ASIC2: variants seen among roughly 807,000 people sequenced by gnomAD.
ASIC2 encodes the protein acid sensing ion channel subunit 2, also known as acid-sensing ion channel 2.
A neutral mutation model predicts 57.3 loss-of-function variants in ASIC2; 25 were observed. That is an observed-to-expected ratio of 0.44 (90% CI 0.32 to 0.61). The LOEUF (loss-of-function observed/expected upper bound fraction) is 0.61, where lower values mean the gene tolerates loss of function less well. Among genes scored for constraint, ASIC2 ranks in the 20% least tolerant of loss-of-function variants. ASIC2 has a pLI of 0.06. For synonymous variants in ASIC2, 319 were observed against 307.5 expected (o/e 1.04, Z -0.39); for missense variants, 641 against 738.1 (o/e 0.87, Z 1.52).
chr17:33,299,363 G>A lies in ASIC2; in HGVS notation c.556-187296C>T, dbSNP rs150103288. Among the ~76,000 whole-genome samples the A allele has an allele frequency of 1.0e-3, 158 of 152,262 alleles. 1 individual carries two copies. Among genetic ancestry groups the A allele is most frequent in the African/African-American group, 3.6e-3 (150 of 41,544 alleles). On this transcript the variant is annotated intron_variant, in intron 1 of 9. Transcript: ENST00000359872. Reference sequence around the variant, plus strand: ...TAAGCAAATGTCCAGGAGTCATGATGGGGACACCTGTACTGGTGGAAGGAG... The same window carrying A: ...TAAGCAAATGTCCAGGAGTCATGATAGGGACACCTGTACTGGTGGAAGGAG...
chr17:34,140,675 T>C (rs1387471835), intron 1 of ASIC2, among the ~76,000 whole-genome samples: 1 of 152,078 alleles, frequency 6.6e-6, no homozygotes, highest in Non-Finnish European at 1.5e-5. Context: ...TGTGGGAAAA[T>C]TTGAGTTTCA....
At chr17:33,077,647 T>C (rs1356112281) in intron 3 of ASIC2, among the ~76,000 whole-genome samples, 2 of 152,198 alleles carry the variant, frequency 1.3e-5, no homozygotes, top group African/African-American at 2.4e-5. Flanking sequence ...TATGATTTAC[T>C]AGCCCACAGA....
At chr17:33,352,681 C>T (rs1422538894) in intron 1 of ASIC2, among the ~76,000 whole-genome samples, 12 of 152,236 alleles carry the variant, frequency 7.9e-5, no homozygotes, top group Non-Finnish European at 1.5e-5. Flanking sequence ...CTGACTCCTG[C>T]TGCCTTCCTT....
intron 6 of ASIC2, among the ~76,000 whole-genome samples, chr17:33,023,489 C>CA (rs34453291): frequency 8.2e-4 from 102 of 124,446 alleles, no homozygotes; most frequent in South Asian, 2.0e-3. Context: ...GGCTCCATCT[C>CA]AAAAAAAAAA....
At chr17:33,174,079 A>G (rs973113240) in intron 1 of ASIC2, among the ~76,000 whole-genome samples, 1 of 152,214 alleles carries the variant, frequency 6.6e-6, no homozygotes, top group African/African-American at 2.4e-5. Flanking sequence ...GAATAGAGGC[A>G]GACTTCCCTG....
intron 3 of ASIC2, among the ~76,000 whole-genome samples, chr17:33,053,279 T>A (rs2091984552): frequency 6.6e-6 from 1 of 152,248 alleles, no homozygotes; most frequent in South Asian, 2.1e-4. Context: ...TTCTATTAAC[T>A]ACATAGCACA....
intron 1 of ASIC2, among the ~76,000 whole-genome samples, chr17:33,941,126 C>CT (rs1916183093): frequency 6.6e-6 from 1 of 152,156 alleles, no homozygotes; most frequent in Non-Finnish European, 1.5e-5. Context: ...AGTTAGGAGT[C>CT]TAAGTGCAGG....
chr17:33,512,455 C>T (rs993239427), intron 1 of ASIC2, among the ~76,000 whole-genome samples: 1 of 152,186 alleles, frequency 6.6e-6, no homozygotes, highest in Non-Finnish European at 1.5e-5. Context: ...GAGGAGAACA[C>T]TTCTTTCCAC....
chr17:33,877,021 A>G (rs1264051576), intron 1 of ASIC2, among the ~76,000 whole-genome samples: 1 of 152,248 alleles, frequency 6.6e-6, no homozygotes, highest in Non-Finnish European at 1.5e-5. Context: ...GTGTCTAAAC[A>G]ATTACAATAG....
chr17:33,098,711 T>G (rs187118386), intron 2 of ASIC2, among the ~76,000 whole-genome samples: 1 of 152,204 alleles, frequency 6.6e-6, no homozygotes, highest in Admixed American at 6.5e-5. Flanking sequence ...AAACATGTTA[T>G]ACTTTGTTGA....
Position 33,656,020 on chromosome 17 carries a change from T to C in ASIC2, c.555+499958A>G, listed in dbSNP as rs1008664625. Among the ~76,000 whole-genome samples the C allele has an allele frequency of 7.9e-5, 12 of 152,138 alleles. No individual in the cohort carries two copies. The South Asian group carries it at 1.9e-3, about 24-fold the overall frequency. On this transcript the variant is annotated intron_variant, in intron 1 of 9. Coordinates refer to the ASIC2 transcript ENST00000359872. The stretch of plus-strand genomic sequence containing the variant: ...TGCTTTTAGAGGCAGCATGGCATAG[T>C]GGAAGTAGAAAGGGCCCTTAGGATA...
At chr17:33,509,580 G>A (rs1056313679) in intron 1 of ASIC2, among the ~76,000 whole-genome samples, 1 of 152,172 alleles carries the variant, frequency 6.6e-6, no homozygotes, top group Admixed American at 6.5e-5. Flanking sequence ...TGGCTGGCGG[G>A]GCTGCGTGCC....
intron 1 of ASIC2, among the ~76,000 whole-genome samples, chr17:33,431,032 G>C (rs568570138): frequency 5.5e-4 from 83 of 152,210 alleles, no homozygotes; most frequent in African/African-American, 1.8e-3. Context: ...TGCAGAGGGG[G>C]GCAGCAAGGT....
At chr17:33,591,462 T>A (rs1045983741) in intron 1 of ASIC2, among the ~76,000 whole-genome samples, 1 of 152,142 alleles carries the variant, frequency 6.6e-6, no homozygotes, top group Admixed American at 6.5e-5. Flanking sequence ...TGACCTTTTC[T>A]CAGTGCAAAG....
intron 1 of ASIC2, among the ~76,000 whole-genome samples, chr17:33,480,483 G>T (rs941532815): frequency 6.6e-6 from 1 of 152,118 alleles, no homozygotes; most frequent in Non-Finnish European, 1.5e-5. Flanking sequence ...CTTCATAAAC[G>T]AGGAATTGGA....
chr17:34,123,900 T>C (rs1230267220), intron 1 of ASIC2, among the ~76,000 whole-genome samples: 2 of 152,050 alleles, frequency 1.3e-5, no homozygotes, highest in Non-Finnish European at 2.9e-5. Context: ...CTGGGCAACA[T>C]GGCGAAACCC....
intron 3 of ASIC2, among the ~76,000 whole-genome samples, chr17:33,076,779 G>A (rs1296646807): frequency 6.6e-6 from 1 of 152,162 alleles, no homozygotes; most frequent in African/African-American, 2.4e-5. Flanking sequence ...TGTTGCAGGG[G>A]GTGGGGGAAA....
chr17:34,031,303 T>C (rs1907601889), intron 1 of ASIC2, among the ~76,000 whole-genome samples: 1 of 152,192 alleles, frequency 6.6e-6, no homozygotes, highest in Admixed American at 6.5e-5. Context: ...CTGAGGGTCC[T>C]ATCTGTTAGA....
At chr17:33,657,338 T>C (rs1353454535) in intron 1 of ASIC2, among the ~76,000 whole-genome samples, 1 of 152,106 alleles carries the variant, frequency 6.6e-6, no homozygotes, top group Non-Finnish European at 1.5e-5. Context: ...ACTGCCTTTC[T>C]CCCCAGGCCT....
Sources: allele counts gnomAD v4.1 joint callset (sites outside exome capture counted in the v4.1 genomes callset), GRCh38; gene constraint gnomAD v4.1.1; transcripts MANE v1.5; gene names NCBI Gene and HGNC (gene_info 2026-07-23, HGNC 2026-07-21).